The following PCDH9 variants were observed in gnomAD, a reference collection of about 807,000 sequenced individuals.
PCDH9 encodes the protein protocadherin-9.
Under a neutral mutation model 70.6 loss-of-function variants are expected in PCDH9, and 24 were observed. The ratio of observed to expected loss-of-function variants is 0.34; its 90% CI spans 0.25 to 0.48. The LOEUF (loss-of-function observed/expected upper bound fraction) is 0.48, where lower values mean the gene tolerates loss of function less well. Ranked by LOEUF, PCDH9 falls within the 20% of genes least tolerant of loss-of-function variation. PCDH9 has a pLI of 0.99. For missense variants in PCDH9, 1,281 were observed against 1,503.6 expected (o/e 0.85, Z 2.45); for synonymous variants, 562 against 558.5 (o/e 1.01, Z -0.09).
At chr13:66,794,977 G>GCGCACACA (rs138730894) in intron 3 of PCDH9, among the ~76,000 whole-genome samples, 1,551 of 147,394 alleles carry the variant, frequency 0.011, 22 homozygotes, top group African/African-American at 0.036. Flanking sequence ...ACACACACAG[G>GCGCACACA]CACACACACA....
At chr13:67,009,604 T>A (rs1462407892) in intron 2 of PCDH9, among the ~76,000 whole-genome samples, 1 of 152,066 alleles carries the variant, frequency 6.6e-6, no homozygotes, top group Non-Finnish European at 1.5e-5. Context: ...TCTGTACTCC[T>A]TATTTAGTCA....
chr13:66,947,269 T>C (rs1393955650), intron 2 of PCDH9, among the ~76,000 whole-genome samples: 1 of 152,184 alleles, frequency 6.6e-6, no homozygotes, highest in African/African-American at 2.4e-5. Context: ...TCACATAGTG[T>C]TATCTAACTA....
At chr13:66,531,922 G>C (rs1228551735) in intron 4 of PCDH9, among the ~76,000 whole-genome samples, 1 of 151,988 alleles carries the variant, frequency 6.6e-6, no homozygotes, top group East Asian at 1.9e-4. Context: ...CCTATAAAAT[G>C]AGGAGAATAT....
In PCDH9 at chr13:67,226,139, C is replaced by G; in HGVS notation, c.2302G>C (p.Val768Leu). 6.2e-7 allele frequency: 1 copy of G among 1,614,120 alleles called. No homozygotes were observed. Among genetic ancestry groups the G allele is most frequent in the Non-Finnish European group, 8.5e-7 (1 of 1,180,000 alleles). The change falls in exon 2 of 5, where the codon GTG becomes CTG. Residue 768 changes from valine to leucine, a missense_variant. Physicochemically the swap from Val to Leu is conservative, Grantham distance 32. This residue lies in a region of PCDH9 where 798 missense variants were observed against 1,003.1 expected (regional missense o/e 0.80). Coordinates refer to ENST00000377865, the MANE Select transcript of PCDH9 (RefSeq NM_203487.3). This position sits in a 1 kb window ranked among gnomAD's most constrained non-coding sequence, Gnocchi z 5.0. The stretch of plus-strand genomic sequence containing the variant: ...TCGTTAACATAAAGGAATACAAGCA[C>G]AAGCGTGTGCAAAGACTTAGGGTAC... ...LGYPKSLHTL[V>L]LVFLYVNDTA... is the part of the protein sequence containing the mutation.
intron 4 of PCDH9, among the ~76,000 whole-genome samples, chr13:66,526,560 C>T (rs1236447536): frequency 6.6e-6 from 1 of 151,804 alleles, no homozygotes; most frequent in Non-Finnish European, 1.5e-5. Flanking sequence ...GAGTGCATAG[C>T]TTCACAATTC....
chr13:66,970,295 G>A (rs2083497395), intron 2 of PCDH9, among the ~76,000 whole-genome samples: 1 of 151,836 alleles, frequency 6.6e-6, no homozygotes, highest in Non-Finnish European at 1.5e-5. Context: ...CGTGCATACT[G>A]AGAATAACAA....
At chr13:66,391,551 A>T (rs1052891825) in intron 4 of PCDH9, among the ~76,000 whole-genome samples, 1 of 152,176 alleles carries the variant, frequency 6.6e-6, no homozygotes, top group Non-Finnish European at 1.5e-5. Flanking sequence ...TTATATATTC[A>T]GGTTAGATTC....
chr13:67,124,298 T>TG (rs1167108995), intron 2 of PCDH9, among the ~76,000 whole-genome samples: 1 of 152,168 alleles, frequency 6.6e-6, no homozygotes, highest in African/African-American at 2.4e-5. Context: ...TATGCTCAGC[T>TG]GGAAAAATTA....
In PCDH9 at chr13:66,994,181, AACTG is replaced by A. The variant is rs2084060176; in HGVS notation, c.3037-90580_3037-90577del. 3.9e-5 allele frequency among the ~76,000 whole-genome samples: 6 copies of A among 152,292 alleles called. No homozygotes were observed. In the South Asian group the frequency reaches 6.2e-4, roughly 16 times the overall value. On this transcript the variant is annotated intron_variant, in intron 2 of 4. Coordinates refer to ENST00000377865, the MANE Select transcript of PCDH9 (RefSeq NM_203487.3). The stretch of plus-strand genomic sequence containing the variant: ...GGGACTCAGCCTTCCACGGAGAGGA[AACTG>A]ACTGGCGACTCTTGGTAACTCCAAG...
chr13:66,978,764 TATG>T (rs2083675219), intron 2 of PCDH9, among the ~76,000 whole-genome samples: 1 of 149,784 alleles, frequency 6.7e-6, no homozygotes, highest in Admixed American at 6.7e-5. Context: ...TATAAATGTA[TATG>T]ATTTTTGGCC....
intron 2 of PCDH9, among the ~76,000 whole-genome samples, chr13:67,103,921 G>A (rs186875184): frequency 0.025 from 3,702 of 148,676 alleles, 122 homozygotes; most frequent in South Asian, 0.07. Context: ...GGCCAATTGT[G>A]AGAGTTCAGG....
intron 3 of PCDH9, among the ~76,000 whole-genome samples, chr13:66,739,892 G>A (rs1262575906): frequency 1.0e-4 from 14 of 140,648 alleles, no homozygotes; most frequent in East Asian, 4.5e-4. Context: ...ATTAATAATG[G>A]GAGACTTTAA....
chr13:66,878,769 T>C (rs930563257), intron 3 of PCDH9, among the ~76,000 whole-genome samples: 5 of 152,028 alleles, frequency 3.3e-5, no homozygotes, highest in African/African-American at 7.3e-5. Flanking sequence ...AGGAAAATCA[T>C]TGGGGATTTG....
intron 3 of PCDH9, among the ~76,000 whole-genome samples, chr13:66,887,419 A>T (rs1210739728): frequency 6.6e-6 from 1 of 152,012 alleles, no homozygotes; most frequent in African/African-American, 2.4e-5. Flanking sequence ...TACAGCAGAG[A>T]TTTTTTTTAA....
intron 3 of PCDH9, among the ~76,000 whole-genome samples, chr13:66,815,946 A>G (rs1042252328): frequency 6.6e-6 from 1 of 152,234 alleles, no homozygotes; most frequent in South Asian, 2.1e-4. Flanking sequence ...CTTCAAATGC[A>G]CTAGATCTAT....
chr13:66,439,091 T>C (rs557844557), intron 4 of PCDH9, among the ~76,000 whole-genome samples: 5 of 152,278 alleles, frequency 3.3e-5, no homozygotes, highest in Admixed American at 6.5e-5. Flanking sequence ...CAGAATGAGA[T>C]TAAATAGCTG....
intron 2 of PCDH9, among the ~76,000 whole-genome samples, chr13:67,138,311 A>T (rs2087286158): frequency 6.6e-6 from 1 of 152,192 alleles, no homozygotes; most frequent in Admixed American, 6.5e-5. Flanking sequence ...CACCATAAGC[A>T]CACAATACAG....
intron 2 of PCDH9, among the ~76,000 whole-genome samples, chr13:67,008,242 G>C (rs976409713): frequency 6.6e-6 from 1 of 152,006 alleles, no homozygotes; most frequent in African/African-American, 2.4e-5. Flanking sequence ...AGTTACTGGA[G>C]AGTAAAAAGC....
chr13:66,888,875 A>T (rs1049530629), intron 3 of PCDH9, among the ~76,000 whole-genome samples: 3 of 152,220 alleles, frequency 2.0e-5, no homozygotes, highest in Non-Finnish European at 4.4e-5. Flanking sequence ...TCTTTACAGA[A>T]GCTGTGATTT....
Sources: allele counts gnomAD v4.1 joint callset (sites outside exome capture counted in the v4.1 genomes callset), GRCh38; gene constraint gnomAD v4.1.1; regional missense constraint gnomAD v4.1.1; non-coding constraint Gnocchi (gnomAD v3.1); transcripts MANE v1.5; gene names NCBI Gene and HGNC (gene_info 2026-07-23, HGNC 2026-07-21).